Variants in HS3ST2 observed in about 807,000 individuals in gnomAD.
HS3ST2 encodes heparan sulfate-glucosamine 3-sulfotransferase 2.
A neutral mutation model predicts 26.3 loss-of-function variants in HS3ST2; 17 were observed. That is an observed-to-expected ratio of 0.65 (90% CI 0.44 to 0.97). The LOEUF (loss-of-function observed/expected upper bound fraction) is 0.97. Among genes scored for constraint, HS3ST2 ranks in the 50% least tolerant of loss-of-function variants. The pLI, the probability that HS3ST2 is intolerant of heterozygous loss-of-function variation, is 0.00. For synonymous variants in HS3ST2, 237 were observed against 219.2 expected, an observed-to-expected ratio of 1.08 and a Z score of -0.72; for missense variants, 402 against 501.2, an observed-to-expected ratio of 0.80 and a Z score of 1.89.
intron 1 of HS3ST2, 27 bp from the exon 2 acceptor site, chr16:22,914,916 TG>T: frequency 6.3e-7 from 1 of 1,583,260 alleles, no homozygotes; most frequent in Non-Finnish European, 8.6e-7. Flanking sequence ...GAAACCTATT[TG>T]ATGATGTATT....
At chr16:22,830,330 C>T (rs369699309) in intron 1 of HS3ST2, among the ~76,000 whole-genome samples, 12 of 152,178 alleles carry the variant, frequency 7.9e-5, no homozygotes, top group East Asian at 3.9e-4. Flanking sequence ...ATGTGAGTGC[C>T]TTTCTCATTC....
intron 1 of HS3ST2, among the ~76,000 whole-genome samples, chr16:22,903,269 T>C (rs1440335952): frequency 6.6e-6 from 1 of 152,250 alleles, no homozygotes; most frequent in Non-Finnish European, 1.5e-5. Flanking sequence ...AAAACTGGAA[T>C]AGCATGAGTT....
intron 1 of HS3ST2, among the ~76,000 whole-genome samples, chr16:22,883,475 T>G (rs532593698): frequency 3.2e-4 from 49 of 152,360 alleles, no homozygotes; most frequent in Non-Finnish European, 7.3e-5. Context: ...AAATTGGGTC[T>G]GTGCTATGTA....
At chr16:22,850,851 C>T (rs983590027) in intron 1 of HS3ST2, among the ~76,000 whole-genome samples, 1 of 152,152 alleles carries the variant, frequency 6.6e-6, no homozygotes, top group African/African-American at 2.4e-5. Context: ...AACAGAATCT[C>T]TCATACAGCC....
chr16:22,845,906 G>A (rs1053393032), intron 1 of HS3ST2, among the ~76,000 whole-genome samples: 1 of 152,172 alleles, frequency 6.6e-6, no homozygotes, highest in Admixed American at 6.5e-5. Context: ...ATTACAAGAT[G>A]GGAAGACAGG....
intron 1 of HS3ST2, among the ~76,000 whole-genome samples, chr16:22,899,360 G>T (rs1479211522): frequency 6.6e-6 from 1 of 152,154 alleles, no homozygotes; most frequent in Non-Finnish European, 1.5e-5. Context: ...TATGTGCTTA[G>T]TAGCAGGATA....
chr16:22,832,414 C>A (rs746372248), intron 1 of HS3ST2, among the ~76,000 whole-genome samples: 1 of 152,072 alleles, frequency 6.6e-6, no homozygotes. Context: ...ATCAAAGAGA[C>A]CCAGCCCTCA....
chr16:22,830,668 GAGACCAT>G (rs1901155484), intron 1 of HS3ST2, among the ~76,000 whole-genome samples: 1 of 152,148 alleles, frequency 6.6e-6, no homozygotes, highest in South Asian at 2.1e-4. Context: ...GAAGAGCTGG[GAGACCAT>G]CCAAACTTTG....
chr16:22,852,303 A>C (rs1901529311), intron 1 of HS3ST2, among the ~76,000 whole-genome samples: 1 of 152,196 alleles, frequency 6.6e-6, no homozygotes, highest in Non-Finnish European at 1.5e-5. Flanking sequence ...TTTCTCTTTG[A>C]AACCTCTGAG....
chr16:22,902,097 G>A (rs1020051440), intron 1 of HS3ST2, among the ~76,000 whole-genome samples: 3 of 152,124 alleles, frequency 2.0e-5, no homozygotes, highest in Non-Finnish European at 4.4e-5. Context: ...GCACTAGCAC[G>A]CATGTGTATA....
intron 1 of HS3ST2, 45 bp downstream of exon 1, chr16:22,815,140 T>G (rs1363507292): frequency 6.2e-7 from 1 of 1,600,318 alleles, no homozygotes; most frequent in South Asian, 1.1e-5. Flanking sequence ...CTCTGATCGC[T>G]TCCATTGGGA....
At chr16:22,879,549 G>A (rs920055495) in intron 1 of HS3ST2, among the ~76,000 whole-genome samples, 17 of 152,160 alleles carry the variant, frequency 1.1e-4, no homozygotes, top group Non-Finnish European at 1.9e-4. Context: ...CTCAGGGATC[G>A]GACACTGAGT....
At chr16:22,851,465 T>C (rs1039517770) in intron 1 of HS3ST2, among the ~76,000 whole-genome samples, 2 of 152,242 alleles carry the variant, frequency 1.3e-5, no homozygotes, top group Admixed American at 6.5e-5. Context: ...CTTAGTCTTC[T>C]GATTCTAAGT....
chr16:22,896,623 A>G (rs1902214256), intron 1 of HS3ST2, among the ~76,000 whole-genome samples: 2 of 152,154 alleles, frequency 1.3e-5, no homozygotes, highest in Non-Finnish European at 2.9e-5. Context: ...TCTAATGTTT[A>G]TTTTTGACAT....
chr16:22,907,700 T>G (rs1567501778), intron 1 of HS3ST2, among the ~76,000 whole-genome samples: 1 of 152,218 alleles, frequency 6.6e-6, no homozygotes, highest in East Asian at 1.9e-4. Flanking sequence ...AAGTGAGGTA[T>G]CCAGTCTATA....
At chr16:22,829,791 A>C (rs1252547465) in intron 1 of HS3ST2, among the ~76,000 whole-genome samples, 1 of 152,202 alleles carries the variant, frequency 6.6e-6, no homozygotes, top group Non-Finnish European at 1.5e-5. Context: ...AGGTTGCTGT[A>C]GTGATTCAAT....
chr16:22,844,918 G>A (rs1315789181), intron 1 of HS3ST2, among the ~76,000 whole-genome samples: 1 of 151,262 alleles, frequency 6.6e-6, no homozygotes, highest in Non-Finnish European at 1.5e-5. Context: ...GCAGTGGCGT[G>A]ATCTCAGCTC....
intron 1 of HS3ST2, among the ~76,000 whole-genome samples, chr16:22,869,992 C>T (rs1901811642): frequency 6.6e-6 from 1 of 152,084 alleles, no homozygotes; most frequent in Non-Finnish European, 1.5e-5. Flanking sequence ...AAGTGTTATG[C>T]AAACATAGTC....
intron 1 of HS3ST2, among the ~76,000 whole-genome samples, chr16:22,865,350 C>T (rs1287543321): frequency 1.3e-5 from 2 of 151,818 alleles, no homozygotes; most frequent in Non-Finnish European, 2.9e-5. Flanking sequence ...GTCAGGAGTT[C>T]GAGACCAGCC....
Sources: allele counts gnomAD v4.1 joint callset (sites outside exome capture counted in the v4.1 genomes callset), GRCh38; gene constraint gnomAD v4.1.1; transcripts MANE v1.5; gene names NCBI Gene and HGNC (gene_info 2026-07-23, HGNC 2026-07-21).